Variants in OTC observed in about 807,000 individuals in gnomAD.
The protein encoded by OTC is ornithine transcarbamylase.
OTC carries 3 observed loss-of-function variants against 30.3 expected under a neutral mutation model. That is an observed-to-expected ratio of 0.10 (90% CI 0.05 to 0.26). The LOEUF (loss-of-function observed/expected upper bound fraction) is 0.26, where lower values mean the gene tolerates loss of function less well. Among genes scored for constraint, OTC ranks in the 10% least tolerant of loss-of-function variants. OTC has a pLI of 1.00. For synonymous variants in OTC, 111 were observed against 99.7 expected, an observed-to-expected ratio of 1.11 and a Z score of -0.67; for missense variants, 194 against 260.3, an observed-to-expected ratio of 0.75 and a Z score of 1.75.
intron 3 of OTC, 77 bp downstream of exon 3, chrX:38,369,954 C>T (rs377307304): frequency 1.5e-5 from 10 of 666,639 alleles, no homozygotes; most frequent in African/African-American, 1.3e-4. Context: ...TAACCCAGTG[C>T]GGGGATTTGT....
chrX:38,328,233 G>C, the OTC span, among the ~76,000 whole-genome samples: 1 of 112,373 alleles, frequency 8.9e-6, no homozygotes, highest in Non-Finnish European at 1.9e-5. Flanking sequence ...GCAGATTTAC[G>C]TACGTTTGGT....
At chrX:38,398,847 C>T (rs1209999293) in intron 4 of OTC, among the ~76,000 whole-genome samples, 2 of 111,631 alleles carry the variant, frequency 1.8e-5, no homozygotes, top group Non-Finnish European at 3.8e-5. Context: ...AGTATTAGTT[C>T]TTCACTTAGT....
At chrX:38,411,791 A>G (rs1569281276) in intron 8 of OTC, 71 bp from the exon 9 acceptor site, 2 of 1,025,485 alleles carry the variant, frequency 2.0e-6, no homozygotes, top group East Asian at 6.1e-5. Context: ...GTGTGTTTTT[A>G]GATACTGAAG....
chrX:38,375,351 A>T (rs1030331934), intron 3 of OTC, among the ~76,000 whole-genome samples: 1 of 112,234 alleles, frequency 8.9e-6, no homozygotes, highest in Non-Finnish European at 1.9e-5. Flanking sequence ...AAGGAGGGAC[A>T]TGATCTACTT....
At chrX:38,338,946 G>A in the OTC span, among the ~76,000 whole-genome samples, 1 of 112,049 alleles carries the variant, frequency 8.9e-6, no homozygotes, top group Non-Finnish European at 1.9e-5. Flanking sequence ...AGCCCCAGGT[G>A]GGGAGCATTC....
intron 1 of OTC, among the ~76,000 whole-genome samples, chrX:38,365,056 C>T (rs1045747826): frequency 8.9e-6 from 1 of 112,602 alleles, no homozygotes; most frequent in Admixed American, 9.4e-5. Flanking sequence ...CTTTTCCCAC[C>T]TATAAGCTTA....
At chrX:38,346,216 A>G in the OTC span, among the ~76,000 whole-genome samples, 1 of 112,459 alleles carries the variant, frequency 8.9e-6, no homozygotes, top group Non-Finnish European at 1.9e-5. Context: ...GCTCAGCATC[A>G]TTAGCCTTTA....
intron 1 of OTC, among the ~76,000 whole-genome samples, chrX:38,359,104 T>C (rs1044157046): frequency 1.8e-5 from 2 of 112,066 alleles, no homozygotes; most frequent in Non-Finnish European, 3.8e-5. Flanking sequence ...CCACTATTAC[T>C]GTACTTCCAT....
the OTC span, among the ~76,000 whole-genome samples, chrX:38,343,653 G>T: frequency 8.9e-6 from 1 of 112,305 alleles, no homozygotes; most frequent in Admixed American, 9.4e-5. Flanking sequence ...TGAGACTTTT[G>T]TCCATATCTA....
chrX:38,341,163 T>C, the OTC span, among the ~76,000 whole-genome samples: 6 of 112,129 alleles, frequency 5.4e-5, no homozygotes, highest in African/African-American at 1.9e-4. Flanking sequence ...CTCAATGTTA[T>C]GTCTGTGAAA....
chrX:38,341,657 CT>C, the OTC span, among the ~76,000 whole-genome samples: 1 of 111,956 alleles, frequency 8.9e-6, no homozygotes, highest in Non-Finnish European at 1.9e-5. Context: ...CATTTAGAGT[CT>C]TTTGTATTTT....
chrX:38,380,949 G>C (rs2068373077), intron 3 of OTC, among the ~76,000 whole-genome samples: 1 of 111,599 alleles, frequency 9.0e-6, no homozygotes, highest in Non-Finnish European at 1.9e-5. Flanking sequence ...GGCTGGTCTT[G>C]AACTTCTGAC....
chrX:38,392,694 A>T (rs1184227408), intron 4 of OTC, among the ~76,000 whole-genome samples: 1 of 111,862 alleles, frequency 8.9e-6, no homozygotes, highest in East Asian at 2.8e-4. Context: ...GTCCAACATG[A>T]AAGCAACCTA....
chrX:38,381,963 T>A (rs1224887963), intron 4 of OTC, among the ~76,000 whole-genome samples: 1 of 112,095 alleles, frequency 8.9e-6, no homozygotes, highest in Non-Finnish European at 1.9e-5. Context: ...ATAGTGCAGA[T>A]GTTCCTGATT....
chrX:38,372,398 A>G (rs764640564), intron 3 of OTC, among the ~76,000 whole-genome samples: 40 of 111,991 alleles, frequency 3.6e-4, no homozygotes, highest in African/African-American at 1.3e-3. Flanking sequence ...CTATTACTAT[A>G]TATATTTTTA....
intron 1 of OTC, among the ~76,000 whole-genome samples, chrX:38,354,690 T>C (rs2068231898): frequency 9.0e-6 from 1 of 111,464 alleles, no homozygotes; most frequent in African/African-American, 3.3e-5. Flanking sequence ...TATTTGAAAG[T>C]GTGAAAGCCT....
At chrX:38,355,231 T>A (rs2068234794) in intron 1 of OTC, among the ~76,000 whole-genome samples, 1 of 111,501 alleles carries the variant, frequency 9.0e-6, no homozygotes, top group South Asian at 3.7e-4. Context: ...AATTTTTTTT[T>A]AACAAGATCG....
intron 4 of OTC, among the ~76,000 whole-genome samples, chrX:38,389,432 G>A (rs758741640): frequency 2.0e-4 from 22 of 110,613 alleles, no homozygotes; most frequent in Non-Finnish European, 4.2e-4. Flanking sequence ...CTGTTATTCA[G>A]GTATTTATAC....
intron 4 of OTC, among the ~76,000 whole-genome samples, chrX:38,384,550 C>T (rs1158995173): frequency 8.9e-6 from 1 of 112,170 alleles, no homozygotes. Context: ...CTGATATGCA[C>T]CTTGTAACCC....
Sources: gnomAD v4.1 joint callset for allele counts (sites outside exome capture counted in the v4.1 genomes callset) on GRCh38, gnomAD v4.1.1 for gene constraint, MANE v1.5 for transcripts, NCBI Gene and HGNC (gene_info 2026-07-23, HGNC 2026-07-21) for gene names.